VSTM5: variants seen among roughly 807,000 people sequenced by gnomAD.
VSTM5 encodes the protein V-set and transmembrane domain-containing protein 5.
Under a neutral mutation model 20.3 loss-of-function variants are expected in VSTM5, and 21 were observed. The ratio of observed to expected loss-of-function variants is 1.03; its 90% CI spans 0.73 to 1.49. The LOEUF (loss-of-function observed/expected upper bound fraction) is 1.49. Ranked by LOEUF, VSTM5 falls within the 40% of genes most tolerant of loss-of-function variation. The probability of loss-of-function intolerance (pLI) is 0.00; values close to 1 mark genes in which losing one functional copy is unlikely to be tolerated. For synonymous variants in VSTM5, 100 were observed against 102.5 expected (o/e 0.98, Z 0.14); for missense variants, 219 against 250.0 (o/e 0.88, Z 0.84).
At chr11:93,827,154 C>T (rs1362035834) in intron 1 of VSTM5, among the ~76,000 whole-genome samples, 1 of 152,078 alleles carries the variant, frequency 6.6e-6, no homozygotes, top group Non-Finnish European at 1.5e-5. Flanking sequence ...GAGGCCGAAG[C>T]GAGTGGATCA....
rs540547208 is a variant in VSTM5 at position 93,842,589 on chromosome 11, G to T, written c.91+7823C>A. Among the ~76,000 whole-genome samples the T allele has an allele frequency of 5.3e-5, 8 of 152,360 alleles. No homozygotes were observed. The South Asian group carries it at 1.0e-3, about 20-fold the overall frequency. ...ACCCTGCACCAGTGTGCAAGGGGTT[G>T]GGGAGCTGGCTGGGTTTGCCGTCTG... On this transcript the variant is annotated intron_variant, in intron 1 of 3. Coordinates refer to ENST00000409977, the MANE Select transcript of VSTM5 (RefSeq NM_001144871.2).
intron 1 of VSTM5, among the ~76,000 whole-genome samples, chr11:93,840,996 A>C (rs1002990680): frequency 2.6e-5 from 4 of 152,250 alleles, no homozygotes; most frequent in African/African-American, 9.6e-5. Context: ...GGGGGCAAGG[A>C]ACCTAAGGCC....
rs1565298375 is a variant in VSTM5, at chr11:93,820,913, GACA to G, written c.419-33_419-31del. 9.1e-6 allele frequency: 14 copies of G among 1,546,196 alleles called. No homozygotes were observed. The South Asian group carries it at 1.7e-4, about 18-fold the overall frequency. ...GGAGTGAGGGTGAGGGGAGGGGGAA[GACA>G]ACATTTCTTTTAATATCGTGAAATT... On this transcript the variant is annotated intron_variant, in intron 2 of 3. Coordinates refer to ENST00000409977, the MANE Select transcript of VSTM5 (RefSeq NM_001144871.2).
chr11:93,830,762 T>C (rs1483711132), intron 1 of VSTM5, among the ~76,000 whole-genome samples: 4 of 149,062 alleles, frequency 2.7e-5, no homozygotes, highest in Admixed American at 6.7e-5. Context: ...GTTGGTTCTT[T>C]TTTTTTTTTT....
Position 93,820,619 on chromosome 11 carries a change from A to AAGAAACTTTTACATTGACTTTGT in VSTM5, c.560-8_560-7insACAAAGTCAATGTAAAAGTTTCT. 6.4e-7 allele frequency: 1 copy of AAGAAACTTTTACATTGACTTTGT among 1,551,822 alleles called. No individual in the cohort carries two copies. The highest frequency in any genetic ancestry group is 1.2e-5 in the South Asian group (1 of 84,056). On this transcript the variant is annotated splice_polypyrimidine_tract_variant and splice_region_variant and intron_variant, in intron 3 of 3. Transcript: ENST00000409977. Reference sequence around the variant, plus strand: ...ATCTCCTCAGTTGTGCTTTCTGTAAAGCAAAGACAAGTCAATGAGTTGGAA... The same window carrying AAGAAACTTTTACATTGACTTTGT: ...ATCTCCTCAGTTGTGCTTTCTGTAAAAGAAACTTTTACATTGACTTTGTGCAAAGACAAGTCAATGAGTTGGAA...
At chr11:93,837,369 G>A (rs886741997) in intron 1 of VSTM5, among the ~76,000 whole-genome samples, 5 of 151,986 alleles carry the variant, frequency 3.3e-5, no homozygotes, top group African/African-American at 9.7e-5. Context: ...AAACATCCCT[G>A]TATCACACAC....
Position 93,820,235 on chromosome 11 carries a change from T to C in VSTM5, c.*334A>G, listed in dbSNP as rs1221147461. 2 of 322,510 alleles carry C rather than the reference T, an allele frequency of 6.2e-6. No individual in the cohort carries two copies. The highest frequency in any genetic ancestry group is 1.2e-5 in the Non-Finnish European group (2 of 171,686). 20.0% of individuals were successfully genotyped at this position (322,510 alleles called of 1,614,324 possible). The stretch of plus-strand genomic sequence containing the variant: ...ATACAGGGACTCTGACAACAGGCCA[T>C]CCTGCACACCAGAGCAAGTGTCGTG... On this transcript the variant is annotated 3_prime_UTR_variant, in exon 4 of 4. Coordinates refer to ENST00000409977, the MANE Select transcript of VSTM5 (RefSeq NM_001144871.2).
intron 1 of VSTM5, among the ~76,000 whole-genome samples, chr11:93,849,922 G>A (rs1311924060): frequency 6.6e-6 from 1 of 152,236 alleles, no homozygotes; most frequent in African/African-American, 2.4e-5. Flanking sequence ...AGGCTGCTGT[G>A]GGTTCGTCTG....
intron 1 of VSTM5, among the ~76,000 whole-genome samples, chr11:93,849,780 G>A (rs1944442714): frequency 6.6e-6 from 1 of 152,224 alleles, no homozygotes; most frequent in Admixed American, 6.5e-5. Context: ...AGGCTCACCA[G>A]GCTGGGGATT....
intron 1 of VSTM5, chr11:93,822,161 AACCTCC>A (rs1370385422): frequency 1.3e-5 from 2 of 152,000 alleles, no homozygotes; most frequent in Non-Finnish European, 2.9e-5. Context: ...AGCTCACTGC[AACCTCC>A]ACCTCCTGGG....
intron 1 of VSTM5, among the ~76,000 whole-genome samples, chr11:93,849,738 C>G (rs11020537): frequency 0.13 from 20,002 of 152,158 alleles, 1,374 homozygotes; most frequent in African/African-American, 0.16. Context: ...TGTTTGTGTC[C>G]AAGAGAGCCT....
chr11:93,835,325 A>AG (rs1944315106), intron 1 of VSTM5, among the ~76,000 whole-genome samples: 1 of 152,046 alleles, frequency 6.6e-6, no homozygotes, highest in South Asian at 2.1e-4. Flanking sequence ...CAGGAGACTG[A>AG]GGGGGGAAGA....
chr11:93,825,665 C>T (rs540055004), intron 1 of VSTM5, among the ~76,000 whole-genome samples: 110 of 151,740 alleles, frequency 7.2e-4, no homozygotes, highest in African/African-American at 2.5e-3. Flanking sequence ...ATAGACTTCT[C>T]GCCTTCTTTG....
chr11:93,850,205 C>T (rs996532122), intron 1 of VSTM5, among the ~76,000 whole-genome samples: 5 of 152,092 alleles, frequency 3.3e-5, no homozygotes, highest in Non-Finnish European at 5.9e-5. Flanking sequence ...TGCCCAGCCC[C>T]TCCCGCTACG....
At chr11:93,838,329 C>T (rs1203690324) in intron 1 of VSTM5, among the ~76,000 whole-genome samples, 2 of 151,832 alleles carry the variant, frequency 1.3e-5, no homozygotes, top group Non-Finnish European at 2.9e-5. Context: ...AAAAATCAGC[C>T]AGGCGTGGTT....
At chr11:93,840,113 C>G (rs1944359135) in intron 1 of VSTM5, among the ~76,000 whole-genome samples, 1 of 152,212 alleles carries the variant, frequency 6.6e-6, no homozygotes, top group African/African-American at 2.4e-5. Context: ...TCCCAGACTT[C>G]TAGCCTTTAG....
At chr11:93,839,061 G>A (rs1041019759) in intron 1 of VSTM5, among the ~76,000 whole-genome samples, 8 of 152,204 alleles carry the variant, frequency 5.3e-5, no homozygotes, top group African/African-American at 1.9e-4. Context: ...CTTACAGCCC[G>A]GCCCCTGCAG....
intron 1 of VSTM5, among the ~76,000 whole-genome samples, chr11:93,838,950 C>A (rs1944346828): frequency 6.6e-6 from 1 of 152,240 alleles, no homozygotes; most frequent in Non-Finnish European, 1.5e-5. Flanking sequence ...GGGTCGGGGA[C>A]CAACATTTAA....
chr11:93,823,914 C>CTTTT (rs55797713), intron 1 of VSTM5, among the ~76,000 whole-genome samples: 214 of 146,954 alleles, frequency 1.5e-3, no homozygotes, highest in African/African-American at 5.2e-3. Flanking sequence ...TTGTATGGCA[C>CTTTT]TTTTTTTTTT....
Sources: gnomAD v4.1 joint callset for allele counts (sites outside exome capture counted in the v4.1 genomes callset) on GRCh38, gnomAD v4.1.1 for gene constraint, MANE v1.5 for transcripts, NCBI Gene and HGNC (gene_info 2026-07-23, HGNC 2026-07-21) for gene names.